Variants in BCAM observed in about 807,000 individuals in gnomAD.
BCAM encodes basal cell adhesion molecule (Lutheran blood group).
A neutral mutation model predicts 72.4 loss-of-function variants in BCAM; 61 were observed. The observed-to-expected ratio is 0.84, with a 90% CI of 0.69 to 1.04. The LOEUF is 1.04. BCAM is among the 50% of genes least tolerant of loss of function. The pLI is 0.00. For synonymous variants in BCAM, 408 were observed against 384.2 expected, an observed-to-expected ratio of 1.06 and a Z score of -0.73; for missense variants, 909 against 895.0, an observed-to-expected ratio of 1.02 and a Z score of -0.20.
In BCAM at chr19:44,813,476, G is replaced by A. The variant is rs1158014610; in HGVS notation, c.640G>A (p.Gly214Ser). The A allele has an allele frequency of 6.2e-7, 1 of 1,612,102 alleles. No homozygotes were observed. The highest frequency in any genetic ancestry group is 1.7e-5 in the Admixed American group (1 of 59,998). The change falls in exon 6 of 15, where the codon GGC becomes AGC. Residue 214 changes from glycine (G) to serine (S), a missense_variant. By Grantham distance (56) the Gly-to-Ser change is moderately conservative (BLOSUM62 0). Coordinates refer to ENST00000270233, the MANE Select transcript of BCAM (RefSeq NM_005581.5). This position sits in a 1 kb window ranked among gnomAD's most constrained non-coding sequence, Gnocchi z 4.2. ...MTSRTVREAS[G>S]LLSLTSTLYL... Reference sequence around the variant, plus strand: ...CAGCCGCACGGTCCGGGAGGCCTCGGGCCTGCTCTCCCTCACCAGCACCCT... The same window carrying A: ...CAGCCGCACGGTCCGGGAGGCCTCGAGCCTGCTCTCCCTCACCAGCACCCT...
chr19:44,813,527 C>G lies in BCAM; in HGVS notation c.691C>G (p.Arg231Gly), dbSNP rs121918132. ...CTACCTGCGGCTCCGCAAGGATGAC[C>G]GAGACGCCAGCTTCCACTGCGCCGC... ...TLYLRLRKDD[R>G]DASFHCAAHY... The change falls in exon 6 of 15, where the codon CGA becomes GGA. Residue 231 changes from arginine to glycine, a missense_variant. Transcript: ENST00000270233. The surrounding 1 kb of genome is among the most constrained non-coding windows in gnomAD (Gnocchi z 4.2). The G allele has an allele frequency of 6.2e-7, 1 of 1,612,710 alleles. No homozygotes were observed. The highest frequency in any genetic ancestry group is 1.1e-5 in the South Asian group (1 of 91,074).
At position 44,818,737 on chromosome 19, in the gene BCAM, C is replaced by T. The variant is rs772253850; in HGVS notation, c.1195-4C>T. 13 of 1,613,910 alleles carry T rather than the reference C, an allele frequency of 8.1e-6. No homozygotes were observed. In the Admixed American group the frequency reaches 2.2e-4, roughly 27 times the overall value. The stretch of plus-strand genomic sequence containing the variant: ...GCGTCCTCCTCCTCCTCTGCCCTTC[C>T]CAGGACTCCACTCCCCTGGGCGATG... On this transcript the variant is annotated splice_region_variant and splice_polypyrimidine_tract_variant and intron_variant, in intron 9 of 14. Coordinates refer to ENST00000270233, the MANE Select transcript of BCAM (RefSeq NM_005581.5). This position sits in a 1 kb window ranked among gnomAD's most constrained non-coding sequence, Gnocchi z 4.6.
At position 44,817,053 on chromosome 19, in the gene BCAM, C is replaced by T. The variant is rs370230491; in HGVS notation, c.1079-1469C>T. ...GAGTTTGAGACCATCCTGGCTAACA[C>T]GGTGAAATCCCGTCTCTACTAAAAA... On this transcript the variant is annotated intron_variant, in intron 8 of 14. Transcript: ENST00000270233. 1.3e-4 allele frequency among the ~76,000 whole-genome samples: 19 copies of T among 151,920 alleles called. No homozygotes were observed. The East Asian group carries it at 1.6e-3, about 12-fold the overall frequency.
intron 11 of BCAM, 24 bp downstream of exon 11, chr19:44,819,216 T>C (rs748071377): frequency 6.2e-7 from 1 of 1,613,548 alleles, no homozygotes; most frequent in East Asian, 2.2e-5. Flanking sequence ...CTCTCCACCC[T>C]GAGCCCCCTC....
In BCAM at chr19:44,813,361, A is replaced by G. The variant is rs1968454201; in HGVS notation, c.601+15A>G. On this transcript the variant is annotated intron_variant, in intron 5 of 14. Transcript: ENST00000270233. The surrounding 1 kb of genome is among the most constrained non-coding windows in gnomAD (Gnocchi z 4.2). ...GATGAACCCAGGTGAGCAGCGCAGG[A>G]GCGCGGCGGGACGTGGGCTGGGGTG... 6.2e-7 allele frequency: 1 copy of G among 1,612,172 alleles called. No homozygotes were observed. Among genetic ancestry groups the G allele is most frequent in the Non-Finnish European group, 8.5e-7 (1 of 1,179,030 alleles).
chr19:44,813,229 C>A lies in BCAM; in HGVS notation c.505-21C>A, dbSNP rs778936782. The A allele has an allele frequency of 6.2e-7, 1 of 1,613,078 alleles. No homozygotes were observed. Among genetic ancestry groups the A allele is most frequent in the Admixed American group, 1.7e-5 (1 of 59,940 alleles). On this transcript the variant is annotated intron_variant, in intron 4 of 14. Transcript: ENST00000270233. The surrounding 1 kb of genome is among the most constrained non-coding windows in gnomAD (Gnocchi z 4.2). ...CAGAGTCCCAGCTCCAAGCCCAGGG[C>A]CATGCCCGTGTCTGCCTCAGATCGC... is the stretch of plus-strand genomic sequence containing the variant.
rs199909977 is a variant in BCAM at position 44,813,392 on chromosome 19, C to T, written c.601+46C>T. On this transcript the variant is annotated intron_variant, in intron 5 of 14. Transcript: ENST00000270233. This position sits in a 1 kb window ranked among gnomAD's most constrained non-coding sequence, Gnocchi z 4.2. ...GCGGGACGTGGGCTGGGGTGGGTGGCGGGGCTATGGCCTGGCTGACTGCCA... is the reference window on the plus strand; with the variant it reads ...GCGGGACGTGGGCTGGGGTGGGTGGTGGGGCTATGGCCTGGCTGACTGCCA... The T allele has an allele frequency of 1.4e-5, 22 of 1,608,698 alleles. No homozygotes were observed. The highest frequency in any genetic ancestry group is 4.0e-5 in the African/African-American group (3 of 74,962).
intron 1 of BCAM, among the ~76,000 whole-genome samples, chr19:44,809,723 C>T (rs1448205515): frequency 6.6e-6 from 1 of 152,120 alleles, no homozygotes; most frequent in Non-Finnish European, 1.5e-5. Flanking sequence ...GTATAAAGAA[C>T]CCGCCTCCCT....
At position 44,814,353 on chromosome 19, in the gene BCAM, C is replaced by T; in HGVS notation, c.921+65C>T. 6.5e-7 allele frequency: 1 copy of T among 1,538,936 alleles called. No individual in the cohort carries two copies. Among genetic ancestry groups the T allele is most frequent in the Non-Finnish European group, 8.7e-7 (1 of 1,152,552 alleles). ...CCCCTGACCTCTGTGACCTGCTAAC[C>T]TGCATAACTTCTAATGTGGGACCTG... On this transcript the variant is annotated intron_variant, in intron 7 of 14. Transcript: ENST00000270233. The surrounding 1 kb of genome is among the most constrained non-coding windows in gnomAD (Gnocchi z 4.6).
At position 44,820,963 on chromosome 19, in the gene BCAM, A is replaced by T; in HGVS notation, c.*42A>T. 1 of 1,535,118 alleles carries T rather than the reference A, an allele frequency of 6.5e-7. No individual in the cohort carries two copies. Among genetic ancestry groups the T allele is most frequent in the Non-Finnish European group, 8.8e-7 (1 of 1,140,998 alleles). The stretch of plus-strand genomic sequence containing the variant: ...AGGCTGTCCCTGGACCTGGAGCTGC[A>T]GGCATCAGAGAACCAGCCCTGCTCA... On this transcript the variant is annotated 3_prime_UTR_variant, in exon 15 of 15. Transcript: ENST00000270233.
Position 44,812,233 on chromosome 19 carries a change from T to A in BCAM, c.275T>A (p.Met92Lys), listed in dbSNP as rs1432558082. The A allele has an allele frequency of 1.9e-6, 3 of 1,608,136 alleles. No individual in the cohort carries two copies. The highest frequency in any genetic ancestry group is 2.7e-5 in the African/African-American group (2 of 74,490). ...EMQGSELQVTMHDTRGRSPPY... is the reference protein window; with the variant it reads ...EMQGSELQVTKHDTRGRSPPY... ...CAGGGCTCTGAGCTCCAGGTCACAA[T>A]GCACGACACCCGGGGCCGCAGTCCC... The change falls in exon 3 of 15, where the codon ATG (methionine) becomes AAG (lysine). Residue 92 changes from methionine (M) to lysine (K), a missense_variant. Met to Lys is a moderately conservative substitution (Grantham distance 95). Coordinates refer to ENST00000270233, the MANE Select transcript of BCAM (RefSeq NM_005581.5). The surrounding 1 kb of genome is among the most constrained non-coding windows in gnomAD (Gnocchi z 5.3).
chr19:44,817,609 A>G (rs1426759843), intron 8 of BCAM, among the ~76,000 whole-genome samples: 6 of 151,600 alleles, frequency 4.0e-5, no homozygotes, highest in Non-Finnish European at 8.8e-5. Context: ...CAGTGGCACA[A>G]TCTCGGCTCA....
At chr19:44,819,833 T>G in intron 13 of BCAM, 107 bp downstream of exon 13, 1 of 1,429,102 alleles carries the variant, frequency 7.0e-7, no homozygotes, top group Non-Finnish European at 9.1e-7. Flanking sequence ...CCACCCCACA[T>G]CCCACCACAT....
chr19:44,820,033 A>G, intron 13 of BCAM: 1 of 1,250,054 alleles, frequency 8.0e-7, no homozygotes, highest in Non-Finnish European at 1.0e-6. Context: ...TCCTGCCCCT[A>G]GCTCAGCCTC....
intron 8 of BCAM, among the ~76,000 whole-genome samples, chr19:44,815,603 G>A (rs913401564): frequency 6.6e-6 from 1 of 152,180 alleles, no homozygotes; most frequent in Non-Finnish European, 1.5e-5. Context: ...TGACTTGGAT[G>A]TTTTCAGGCA....
chr19:44,815,405 T>A (rs186233286), intron 8 of BCAM, among the ~76,000 whole-genome samples: 18 of 152,290 alleles, frequency 1.2e-4, no homozygotes, highest in Admixed American at 1.2e-3. Flanking sequence ...CGCCAGATGC[T>A]GGGGACACAT....
rs750448599 is a variant in BCAM, at chr19:44,813,455, C to T, written c.619C>T (p.Arg207Cys). Reference protein sequence around the residue: ...EMNPEGYMTSRTVREASGLLS... With the variant: ...EMNPEGYMTSCTVREASGLLS... Reference sequence around the variant, plus strand: ...TCTCCCAGAGGGCTACATGACCAGCCGCACGGTCCGGGAGGCCTCGGGCCT... The same window carrying T: ...TCTCCCAGAGGGCTACATGACCAGCTGCACGGTCCGGGAGGCCTCGGGCCT... The change falls in exon 6 of 15, where the codon CGC (arginine) becomes TGC (cysteine). Residue 207 changes from arginine to cysteine, a missense_variant. Arg to Cys is a radical substitution (Grantham distance 180, BLOSUM62 -3). Transcript: ENST00000270233. The surrounding 1 kb of genome is among the most constrained non-coding windows in gnomAD (Gnocchi z 4.2). 47 of 1,611,224 alleles carry T rather than the reference C, an allele frequency of 2.9e-5. No individual in the cohort carries two copies. The highest frequency in any genetic ancestry group is 3.4e-5 in the Non-Finnish European group (40 of 1,179,596).
chr19:44,813,446 A>C lies in BCAM; in HGVS notation c.610A>C (p.Met204Leu), dbSNP rs752912910. ...CCCCCGATCTCTCCCAGAGGGCTAC[A>C]TGACCAGCCGCACGGTCCGGGAGGC... ...VPVEMNPEGY[M>L]TSRTVREASG... is the part of the protein sequence containing the mutation. Residue 204 changes from methionine (M) to leucine (L), a missense_variant, in exon 6 of 15, where the codon ATG becomes CTG. Coordinates refer to ENST00000270233, the MANE Select transcript of BCAM (RefSeq NM_005581.5). The surrounding 1 kb of genome is among the most constrained non-coding windows in gnomAD (Gnocchi z 4.2). The C allele has an allele frequency of 6.2e-7, 1 of 1,610,918 alleles. No individual in the cohort carries two copies. Among genetic ancestry groups the C allele is most frequent in the South Asian group, 1.1e-5 (1 of 91,030 alleles).
In BCAM at chr19:44,812,596, A is replaced by G. The variant is rs1462998426; in HGVS notation, c.504+48A>G. The G allele has an allele frequency of 3.3e-5, 53 of 1,605,416 alleles. No homozygotes were observed. Among genetic ancestry groups the G allele is most frequent in the Non-Finnish European group, 4.3e-5 (51 of 1,174,290 alleles). On this transcript the variant is annotated intron_variant, in intron 4 of 14. Transcript: ENST00000270233. This position sits in a 1 kb window ranked among gnomAD's most constrained non-coding sequence, Gnocchi z 5.3. ...CCCCAGGGTCCTGGAGGAGGAGGGG[A>G]CAGGGCCCTGGACTCCTGGGTCTGA...
Sources: gnomAD v4.1 joint callset for allele counts (sites outside exome capture counted in the v4.1 genomes callset) on GRCh38, gnomAD v4.1.1 for gene constraint, Gnocchi (gnomAD v3.1) non-coding constraint, MANE v1.5 for transcripts, NCBI Gene and HGNC (gene_info 2026-07-23, HGNC 2026-07-21) for gene names.